DRD3: variants seen among roughly 807,000 people sequenced by gnomAD.
DRD3 encodes the protein dopamine receptor D3, also known as D(3) dopamine receptor.
A neutral mutation model predicts 36.3 loss-of-function variants in DRD3; 19 were observed. The ratio of observed to expected loss-of-function variants is 0.52; its 90% CI spans 0.36 to 0.77. The LOEUF (loss-of-function observed/expected upper bound fraction) is 0.77. Ranked by LOEUF, DRD3 falls within the 30% of genes least tolerant of loss-of-function variation. The pLI, the probability that DRD3 is intolerant of heterozygous loss-of-function variation, is 0.00. For synonymous variants in DRD3, 195 were observed against 203.7 expected (o/e 0.96, Z 0.36); for missense variants, 465 against 505.3 (o/e 0.92, Z 0.77).
upstream of DRD3, among the ~76,000 whole-genome samples, chr3:114,180,727 T>A (rs1480014272): frequency 6.6e-6 from 1 of 152,202 alleles, no homozygotes; most frequent in Admixed American, 6.5e-5. Context: ...GGCATAAATG[T>A]ATTAGTTATA....
intron 3 of DRD3, among the ~76,000 whole-genome samples, chr3:114,152,614 T>G (rs770880516): frequency 4.6e-5 from 7 of 152,212 alleles, no homozygotes; most frequent in African/African-American, 1.7e-4. Context: ...CGGAGGGCAC[T>G]ATAATGCAGC....
At chr3:114,148,198 C>A (rs772510081) in intron 3 of DRD3, among the ~76,000 whole-genome samples, 8 of 152,140 alleles carry the variant, frequency 5.3e-5, no homozygotes, top group Non-Finnish European at 1.2e-4. Context: ...CCCAGCATAA[C>A]CGGCCTTACT....
chr3:114,182,541 CTATCT>C (rs2077953648), upstream of DRD3, among the ~76,000 whole-genome samples: 1 of 152,096 alleles, frequency 6.6e-6, no homozygotes, highest in Non-Finnish European at 1.5e-5. Flanking sequence ...TTTTCTACTT[CTATCT>C]TAACTTTTCG....
upstream of DRD3, among the ~76,000 whole-genome samples, chr3:114,180,171 C>G (rs1177861078): frequency 6.6e-6 from 1 of 151,794 alleles, no homozygotes; most frequent in African/African-American, 2.4e-5. Context: ...ATAATTATGA[C>G]AGTAATAATA....
chr3:114,134,710 G>A (rs1363798041), intron 5 of DRD3, among the ~76,000 whole-genome samples: 1 of 152,106 alleles, frequency 6.6e-6, no homozygotes, highest in Non-Finnish European at 1.5e-5. Flanking sequence ...ATGAGCCACA[G>A]CATCTGGCCT....
chr3:114,132,496 C>G (rs2077439537), intron 5 of DRD3, among the ~76,000 whole-genome samples: 1 of 151,044 alleles, frequency 6.6e-6, no homozygotes, highest in African/African-American at 2.4e-5. Flanking sequence ...ATAGATTCAG[C>G]AAACCACAAT....
At chr3:114,143,331 AT>A (rs2077543372) in intron 4 of DRD3, among the ~76,000 whole-genome samples, 1 of 152,202 alleles carries the variant, frequency 6.6e-6, no homozygotes, top group African/African-American at 2.4e-5. Flanking sequence ...ATCCCAACTA[AT>A]CTCAACATTT....
intron 3 of DRD3, among the ~76,000 whole-genome samples, chr3:114,153,788 C>T (rs560496051): frequency 1.2e-4 from 18 of 151,382 alleles, no homozygotes; most frequent in East Asian, 7.8e-4. Flanking sequence ...TGTGTGATCT[C>T]GGCAAGCTCA....
At chr3:114,190,383 A>G (rs1248132390) in intron 1 of DRD3, among the ~76,000 whole-genome samples, 1 of 128,148 alleles carries the variant, frequency 7.8e-6, no homozygotes, top group East Asian at 2.7e-4. Context: ...TTTGGAGCAC[A>G]GAATGCATCC....
chr3:114,138,189 A>AG (rs2077492475), intron 5 of DRD3, among the ~76,000 whole-genome samples: 2 of 140,580 alleles, frequency 1.4e-5, no homozygotes, highest in African/African-American at 5.2e-5. Flanking sequence ...AAAAAAAAAA[A>AG]GATTATCTAG....
At chr3:114,164,037 G>A (rs1194829313) in intron 2 of DRD3, among the ~76,000 whole-genome samples, 6 of 151,304 alleles carry the variant, frequency 4.0e-5, no homozygotes, top group South Asian at 4.2e-4. Context: ...CCTGGCCAAC[G>A]TGGTGAAACC....
At chr3:114,162,465 G>C (rs769295998) in intron 2 of DRD3, among the ~76,000 whole-genome samples, 3 of 152,184 alleles carry the variant, frequency 2.0e-5, no homozygotes, top group African/African-American at 4.8e-5. Flanking sequence ...AGCTCCCAGA[G>C]CAGGGCCCAA....
intron 2 of DRD3, among the ~76,000 whole-genome samples, chr3:114,162,606 C>T (rs1426376823): frequency 6.6e-6 from 1 of 152,118 alleles, no homozygotes; most frequent in East Asian, 1.9e-4. Flanking sequence ...CCTCTATTGC[C>T]GATTATAATT....
intron 1 of DRD3, among the ~76,000 whole-genome samples, chr3:114,196,156 T>C (rs2078034955): frequency 6.6e-6 from 1 of 152,198 alleles, no homozygotes; most frequent in Admixed American, 6.5e-5. Context: ...CCTATTCATG[T>C]TGTTTGTATC....
chr3:114,179,457 G>C (rs2077933373), upstream of DRD3, among the ~76,000 whole-genome samples: 1 of 152,156 alleles, frequency 6.6e-6, no homozygotes, highest in Non-Finnish European at 1.5e-5. Flanking sequence ...AGCACTTCTT[G>C]TTTTCAGAGG....
intron 4 of DRD3, among the ~76,000 whole-genome samples, chr3:114,140,176 C>G (rs1162405500): frequency 1.3e-5 from 2 of 152,142 alleles, no homozygotes; most frequent in Admixed American, 6.6e-5. Flanking sequence ...AAGGAAGAAG[C>G]CTTATTTGCT....
Position 114,131,201 on chromosome 3 carries a change from G to A in DRD3, c.923C>T (p.Thr308Ile). 6.2e-7 allele frequency: 1 copy of A among 1,614,214 alleles called. No homozygotes were observed. Among genetic ancestry groups the A allele is most frequent in the Non-Finnish European group, 8.5e-7 (1 of 1,180,038 alleles). Residue 308 changes from threonine to isoleucine, a missense_variant, in exon 6 of 7, where the codon ACA (threonine) becomes ATA (isoleucine). By Grantham distance (89) the Thr-to-Ile change is moderately conservative. Coordinates refer to ENST00000383673, the MANE Select transcript of DRD3 (RefSeq NM_000796.6). ...TTGCAGGGGCCCCAGCTTCAAAGAT[G>A]TCGATAATCTGCCATTGCTGAGTTT... ...VRKLSNGRLS[T>I]SLKLGPLQPR...
rs367825762 is a variant in DRD3 at position 114,139,490 on chromosome 3, G to C, written c.723+10C>G. ...TGTTGTCTTCCCTCTACCCCCTCCA[G>C]GGTACTTACTTGCTGGGGGAAGCCA... On this transcript the variant is annotated intron_variant, in intron 5 of 6. Coordinates refer to ENST00000383673, the MANE Select transcript of DRD3 (RefSeq NM_000796.6). 15 of 1,610,966 alleles carry C rather than the reference G, an allele frequency of 9.3e-6. No homozygotes were observed. The highest frequency in any genetic ancestry group is 1.2e-5 in the Non-Finnish European group (14 of 1,178,510).
chr3:114,142,759 G>A (rs1027777232), intron 4 of DRD3, among the ~76,000 whole-genome samples: 1 of 152,000 alleles, frequency 6.6e-6, no homozygotes, highest in Non-Finnish European at 1.5e-5. Flanking sequence ...AGTTGAGAGG[G>A]CATATAGCTA....
Sources: gnomAD v4.1 joint callset for allele counts (sites outside exome capture counted in the v4.1 genomes callset) on GRCh38, gnomAD v4.1.1 for gene constraint, MANE v1.5 for transcripts, NCBI Gene and HGNC (gene_info 2026-07-23, HGNC 2026-07-21) for gene names.